Variants in C8orf76 observed in about 807,000 individuals in gnomAD.
The protein encoded by C8orf76 is chromosome 8 open reading frame 76, also known as uncharacterized protein C8orf76.
Under a neutral mutation model 38.1 loss-of-function variants are expected in C8orf76, and 46 were observed. The observed-to-expected ratio is 1.21, with a 90% CI of 0.95 to 1.54. The LOEUF (loss-of-function observed/expected upper bound fraction) is 1.54, where lower values mean the gene tolerates loss of function less well. C8orf76 is among the 40% of genes most tolerant of loss of function. The pLI, the probability that C8orf76 is intolerant of heterozygous loss-of-function variation, is 0.00. For synonymous variants in C8orf76, 166 were observed against 167.5 expected (o/e 0.99, Z 0.07); for missense variants, 461 against 441.6 (o/e 1.04, Z -0.39).
chr8:123,237,195 G>A, intron 3 of C8orf76: 1 of 672,546 alleles, frequency 1.5e-6, no homozygotes, highest in African/African-American at 1.8e-5. Context: ...CCAACAACCT[G>A]TACCCCAAGA....
At chr8:123,226,347 C>G in intron 5 of C8orf76, 153 bp downstream of exon 5, 1 of 1,476,450 alleles carries the variant, frequency 6.8e-7, no homozygotes, top group East Asian at 2.5e-5. Flanking sequence ...AAGAGGCCGC[C>G]TTGGTGATTG....
intron 5 of C8orf76, among the ~76,000 whole-genome samples, chr8:123,221,084 G>C (rs941849336): frequency 6.6e-6 from 1 of 152,304 alleles, no homozygotes; most frequent in South Asian, 2.1e-4. Context: ...CCCGGATATT[G>C]AATGTGTTCA....
intron 3 of C8orf76, among the ~76,000 whole-genome samples, chr8:123,236,294 T>C (rs980342087): frequency 6.6e-6 from 1 of 152,184 alleles, no homozygotes; most frequent in African/African-American, 2.4e-5. Flanking sequence ...CCACAGTGTC[T>C]CCTTAATTTC....
chr8:123,223,718 A>C (rs1824948920), intron 5 of C8orf76, among the ~76,000 whole-genome samples: 1 of 152,246 alleles, frequency 6.6e-6, no homozygotes, highest in Non-Finnish European at 1.5e-5. Context: ...TATCCATCAA[A>C]AGATGAGTAG....
chr8:123,220,505 CAG>C (rs1824872178), intron 5 of C8orf76, among the ~76,000 whole-genome samples: 3 of 152,184 alleles, frequency 2.0e-5, no homozygotes, highest in Non-Finnish European at 1.5e-5. Context: ...TATCTGATCT[CAG>C]AAGTAGTTAT....
intron 5 of C8orf76, among the ~76,000 whole-genome samples, chr8:123,222,832 C>T (rs1824924917): frequency 6.6e-6 from 1 of 152,134 alleles, no homozygotes; most frequent in Non-Finnish European, 1.5e-5. Flanking sequence ...TGATTGATTT[C>T]ACATGGTTCA....
rs904653555 is a variant in C8orf76, at chr8:123,237,954, T to C, written c.214-13A>G. 6.2e-7 allele frequency: 1 copy of C among 1,600,530 alleles called. No individual in the cohort carries two copies. ...CCTGCAGTGCTTTCTGGAAATTATT[T>C]GTTAAATAAAGAAATGAAAGGAGGA... On this transcript the variant is annotated splice_polypyrimidine_tract_variant and intron_variant, in intron 2 of 5. Transcript: ENST00000276704.
At chr8:123,234,003 G>A (rs1825372079) in intron 3 of C8orf76, among the ~76,000 whole-genome samples, 1 of 151,042 alleles carries the variant, frequency 6.6e-6, no homozygotes, top group South Asian at 2.1e-4. Flanking sequence ...ACTCCAGCCT[G>A]GGCAACAGAA....
In C8orf76 at chr8:123,239,269, G is replaced by C. The variant is rs150413111; in HGVS notation, c.118-125C>G. On this transcript the variant is annotated intron_variant, in intron 1 of 5. Coordinates refer to ENST00000276704, the MANE Select transcript of C8orf76 (RefSeq NM_032847.3). ...AAGACTTCTTCAAGAGTCTGGCCAGGTTAGTCTTGAACTCCTGAGCACAAG... is the reference window on the plus strand; with the variant it reads ...AAGACTTCTTCAAGAGTCTGGCCAGCTTAGTCTTGAACTCCTGAGCACAAG... 3.5e-4 allele frequency: 365 copies of C among 1,035,432 alleles called. 2 individuals are homozygous for C. In the African/African-American group the frequency reaches 5.4e-3, roughly 15 times the overall value. The allele number at this position is 1,035,432 out of a possible 1,614,324, so 64.1% of individuals were successfully genotyped here. A position where few individuals can be genotyped will look rare whatever the true frequency, so the allele number is the denominator to read the frequency against.
At chr8:123,221,891 A>G (rs1446578405) in intron 5 of C8orf76, among the ~76,000 whole-genome samples, 1 of 152,196 alleles carries the variant, frequency 6.6e-6, no homozygotes, top group Non-Finnish European at 1.5e-5. Flanking sequence ...CCTGGGAGAT[A>G]GAGTGAGACC....
chr8:123,237,123 G>A (rs905882236), intron 3 of C8orf76: 3 of 926,386 alleles, frequency 3.2e-6, no homozygotes, highest in Non-Finnish European at 3.5e-6. Flanking sequence ...ATGATCTGCC[G>A]CAAGTGCTGT....
At chr8:123,224,420 T>C (rs752019315) in intron 5 of C8orf76, among the ~76,000 whole-genome samples, 19 of 152,130 alleles carry the variant, frequency 1.2e-4, no homozygotes, top group Non-Finnish European at 2.4e-4. Flanking sequence ...GGGACCAGAC[T>C]GGGCAACATA....
At position 123,237,779 on chromosome 8, in the gene C8orf76, AAGCAATAAAATCACTCACCAAGTTTGC is replaced by A. The variant is rs766987146; in HGVS notation, c.349_357+18del. 2.1e-5 allele frequency: 33 copies of A among 1,605,340 alleles called. No homozygotes were observed. The highest frequency in any genetic ancestry group is 1.2e-4 in the Admixed American group (7 of 57,612). On this transcript the variant is annotated splice_donor_variant and splice_donor_5th_base_variant and coding_sequence_variant and intron_variant, in exon 3 of 6. Coordinates refer to ENST00000276704, the MANE Select transcript of C8orf76 (RefSeq NM_032847.3). LOFTEE classifies it high-confidence loss of function. ...CCCTTATAGGAATGTGTGTGAAAAT[AAGCAATAAAATCACTCACCAAGTTTGC>A]AGCAATCTCCAGCGCCTCCATATGC...
chr8:123,222,827 G>T (rs1824924692), intron 5 of C8orf76, among the ~76,000 whole-genome samples: 1 of 152,140 alleles, frequency 6.6e-6, no homozygotes, highest in African/African-American at 2.4e-5. Flanking sequence ...CAAAATGATT[G>T]ATTTCACATG....
At chr8:123,236,441 TA>T (rs539360849) in intron 3 of C8orf76, among the ~76,000 whole-genome samples, 6 of 151,586 alleles carry the variant, frequency 4.0e-5, no homozygotes, top group Non-Finnish European at 8.8e-5. Context: ...CTTTATCCCT[TA>T]AAAAAAAATT....
intron 4 of C8orf76, among the ~76,000 whole-genome samples, chr8:123,229,504 C>T (rs1201818126): frequency 3.3e-5 from 5 of 152,222 alleles, no homozygotes; most frequent in Admixed American, 2.6e-4. Flanking sequence ...AGCTCCCTGA[C>T]GTTGGTCACA....
chr8:123,226,188 A>T lies in C8orf76; in HGVS notation c.948+312T>A, dbSNP rs187642390. On this transcript the variant is annotated intron_variant, in intron 5 of 5. Coordinates refer to ENST00000276704, the MANE Select transcript of C8orf76 (RefSeq NM_032847.3). ...GAAAAAAAATAGAACTGCTACACAAATGTAAGCATTCATTCATTCATTTAT... is the reference window on the plus strand; with the variant it reads ...GAAAAAAAATAGAACTGCTACACAATTGTAAGCATTCATTCATTCATTTAT... The T allele has an allele frequency of 6.8e-6, 8 of 1,172,096 alleles. No individual in the cohort carries two copies. The Admixed American group carries it at 4.0e-4, about 58-fold the overall frequency. The allele number at this position is 1,172,096 out of a possible 1,614,324, so 72.6% of individuals were successfully genotyped here.
intron 4 of C8orf76, 21 bp from the exon 5 acceptor site, chr8:123,226,653 A>T: frequency 6.3e-7 from 1 of 1,577,754 alleles, no homozygotes; most frequent in South Asian, 1.2e-5. Context: ...GAAAAGTCTC[A>T]ATGCGTGGCG....
intron 2 of C8orf76, 118 bp downstream of exon 2, chr8:123,238,931 A>G (rs1254859004): frequency 5.9e-6 from 6 of 1,019,670 alleles, no homozygotes; most frequent in African/African-American, 4.8e-5. Flanking sequence ...ATAAACACAC[A>G]TCACAAAAGA....
Sources: gnomAD v4.1 joint callset for allele counts (sites outside exome capture counted in the v4.1 genomes callset) on GRCh38, gnomAD v4.1.1 for gene constraint, MANE v1.5 for transcripts, NCBI Gene and HGNC (gene_info 2026-07-23, HGNC 2026-07-21) for gene names.